The following NREP variants were observed in gnomAD, a reference collection of about 807,000 sequenced individuals.
NREP encodes neuronal regeneration related protein.
NREP carries 5 observed loss-of-function variants against 8.6 expected under a neutral mutation model. The observed-to-expected ratio is 0.58, with a 90% CI of 0.30 to 1.22. The LOEUF (loss-of-function observed/expected upper bound fraction) is 1.22. Ranked by LOEUF, NREP falls within the 50% of genes most tolerant of loss-of-function variation. NREP has a pLI of 0.07. For synonymous variants in NREP, 27 were observed against 28.0 expected (o/e 0.96, Z 0.11); for missense variants, 86 against 82.5 (o/e 1.04, Z -0.17).
chr5:111,751,736 A>T (rs1028321157), intron 2 of NREP, among the ~76,000 whole-genome samples: 2 of 152,192 alleles, frequency 1.3e-5, no homozygotes, highest in East Asian at 3.8e-4. Context: ...AATTCAGGCA[A>T]ATCCTTCACT....
intron 2 of NREP, among the ~76,000 whole-genome samples, chr5:111,954,825 T>C (rs1398667549): frequency 1.3e-5 from 2 of 152,176 alleles, no homozygotes; most frequent in Non-Finnish European, 2.9e-5. Context: ...AAACAGTTTA[T>C]TAAAAGTCTT....
intron 2 of NREP, among the ~76,000 whole-genome samples, chr5:111,971,053 C>A (rs1299083841): frequency 6.6e-6 from 1 of 152,056 alleles, no homozygotes; most frequent in Non-Finnish European, 1.5e-5. Flanking sequence ...ACAAGTTCCC[C>A]TTCCCCTAGT....
chr5:111,926,841 G>T (rs545106460), intron 2 of NREP, among the ~76,000 whole-genome samples: 1 of 151,628 alleles, frequency 6.6e-6, no homozygotes, highest in South Asian at 2.1e-4. Context: ...ATCCATTAAA[G>T]GTGCTGCTCC....
intron 2 of NREP, among the ~76,000 whole-genome samples, chr5:111,906,798 G>GCA (rs1405209893): frequency 6.6e-5 from 10 of 151,832 alleles, no homozygotes; most frequent in African/African-American, 2.4e-4. Flanking sequence ...TGCTTATTTG[G>GCA]CATCTAAGTA....
chr5:111,746,956 A>T (rs1225255776), intron 2 of NREP, among the ~76,000 whole-genome samples: 1 of 152,170 alleles, frequency 6.6e-6, no homozygotes, highest in African/African-American at 2.4e-5. Flanking sequence ...CACTAGGTTA[A>T]GTGTTCAACC....
At chr5:111,918,009 G>C (rs1256746408) in intron 2 of NREP, among the ~76,000 whole-genome samples, 1 of 152,114 alleles carries the variant, frequency 6.6e-6, no homozygotes, top group Non-Finnish European at 1.5e-5. Flanking sequence ...CTTAGGCAAA[G>C]TCTCAAGATA....
chr5:111,820,014 A>G (rs1752480088), intron 2 of NREP, among the ~76,000 whole-genome samples: 1 of 152,076 alleles, frequency 6.6e-6, no homozygotes, highest in Non-Finnish European at 1.5e-5. Flanking sequence ...AACTTTAGTC[A>G]GATTTTTGAG....
At chr5:111,937,079 C>T (rs889024506) in intron 2 of NREP, among the ~76,000 whole-genome samples, 1 of 152,066 alleles carries the variant, frequency 6.6e-6, no homozygotes, top group Admixed American at 6.6e-5. Context: ...ATGGCCACTC[C>T]CTTCAGGAGA....
At chr5:111,845,379 T>A (rs115150399) in intron 2 of NREP, among the ~76,000 whole-genome samples, 5 of 152,154 alleles carry the variant, frequency 3.3e-5, no homozygotes, top group Non-Finnish European at 5.9e-5. Flanking sequence ...TTGTTCAAAT[T>A]GATGTTTCTG....
intron 2 of NREP, among the ~76,000 whole-genome samples, chr5:111,892,535 T>C (rs1287605026): frequency 2.0e-5 from 3 of 152,122 alleles, no homozygotes; most frequent in African/African-American, 7.2e-5. Context: ...ATATGTTACT[T>C]AAATTTAAAA....
intron 2 of NREP, among the ~76,000 whole-genome samples, chr5:111,945,008 A>G (rs1388169246): frequency 1.3e-5 from 2 of 152,008 alleles, no homozygotes; most frequent in Admixed American, 1.3e-4. Flanking sequence ...CTTAAAGACT[A>G]TTATTATTTG....
At chr5:111,794,533 G>C (rs564595545) in intron 2 of NREP, among the ~76,000 whole-genome samples, 1 of 152,208 alleles carries the variant, frequency 6.6e-6, no homozygotes, top group African/African-American at 2.4e-5. Flanking sequence ...AAGACGCGAA[G>C]GAAACTTGCA....
chr5:111,904,269 G>C (rs4957989), intron 2 of NREP, among the ~76,000 whole-genome samples: 1 of 151,570 alleles, frequency 6.6e-6, no homozygotes, highest in African/African-American at 2.4e-5. Flanking sequence ...TGTTTGATGT[G>C]TTTTGACAAA....
At chr5:111,886,186 G>T (rs1754242082) in intron 2 of NREP, among the ~76,000 whole-genome samples, 1 of 152,160 alleles carries the variant, frequency 6.6e-6, no homozygotes, top group African/African-American at 2.4e-5. Flanking sequence ...CTTCTCAAAA[G>T]AAGACATTTA....
chr5:111,901,318 A>G (rs1754640905), intron 2 of NREP, among the ~76,000 whole-genome samples: 1 of 152,122 alleles, frequency 6.6e-6, no homozygotes, highest in South Asian at 2.1e-4. Context: ...TAAAGCTCTC[A>G]ACACATTAGG....
intron 3 of NREP, chr5:111,734,087 A>G (rs1300322890): frequency 6.6e-6 from 1 of 152,258 alleles, no homozygotes; most frequent in Non-Finnish European, 1.5e-5. Flanking sequence ...TGTGTGAGAC[A>G]AGACCTAGCA....
chr5:111,864,457 A>G (rs1437932498), intron 2 of NREP, among the ~76,000 whole-genome samples: 1 of 152,134 alleles, frequency 6.6e-6, no homozygotes, highest in Admixed American at 6.6e-5. Flanking sequence ...AAGGGCAAAA[A>G]GTAGCTATTG....
In NREP at chr5:111,905,497, G is replaced by A. The variant is rs145309697; in HGVS notation, c.135+69777C>T. 7.6e-3 allele frequency among the ~76,000 whole-genome samples: 1,162 copies of A among 152,108 alleles called. 23 individuals carry two copies. The highest frequency in any genetic ancestry group is 0.027 in the African/African-American group (1,115 of 41,518). The stretch of plus-strand genomic sequence containing the variant: ...AAGGTAACATTCTTGTATAAATAGC[G>A]GTCCATGGAAGACTGAAGAATAGAC... On this transcript the variant is annotated intron_variant, in intron 2 of 3. Transcript: ENST00000395634.
chr5:111,900,330 G>GA (rs1754616261), intron 2 of NREP, among the ~76,000 whole-genome samples: 1 of 151,580 alleles, frequency 6.6e-6, no homozygotes, highest in Non-Finnish European at 1.5e-5. Context: ...TAAAAAAGTA[G>GA]AAAAAATTAA....
Sources: gnomAD v4.1 joint callset for allele counts (sites outside exome capture counted in the v4.1 genomes callset) on GRCh38, gnomAD v4.1.1 for gene constraint, MANE v1.5 for transcripts, NCBI Gene and HGNC (gene_info 2026-07-23, HGNC 2026-07-21) for gene names.